The following FLT1 variants were observed in gnomAD, a reference collection of about 807,000 sequenced individuals.
FLT1 encodes the protein fms related receptor tyrosine kinase 1.
A neutral mutation model predicts 156.3 loss-of-function variants in FLT1; 49 were observed. The ratio of observed to expected loss-of-function variants is 0.31; its 90% CI spans 0.25 to 0.40. FLT1 has a LOEUF of 0.40. Among genes scored for constraint, FLT1 ranks in the 10% least tolerant of loss-of-function variants. The pLI, the probability that FLT1 is intolerant of heterozygous loss-of-function variation, is 1.00. For missense variants in FLT1, 1,322 were observed against 1,637.2 expected (o/e 0.81, Z 3.32); for synonymous variants, 594 against 583.8 (o/e 1.02, Z -0.25).
intron 29 of FLT1, among the ~76,000 whole-genome samples, chr13:28,305,878 T>G (rs1469960267): frequency 6.6e-6 from 1 of 152,176 alleles, no homozygotes; most frequent in African/African-American, 2.4e-5. Flanking sequence ...GTCAAAAGAT[T>G]GGACACCCCT....
chr13:28,308,256 G>GT (rs1870835910), intron 28 of FLT1: 1 of 169,208 alleles, frequency 5.9e-6, no homozygotes, highest in Middle Eastern at 3.2e-3. Context: ...CAGAACTGCA[G>GT]TATCGCTCCT....
chr13:28,473,981 A>G (rs1467672365), intron 1 of FLT1, among the ~76,000 whole-genome samples: 2 of 152,186 alleles, frequency 1.3e-5, no homozygotes, highest in African/African-American at 4.8e-5. Flanking sequence ...TGATCTTGAA[A>G]ACATTATGCT....
At chr13:28,481,193 C>CA (rs1303928918) in intron 1 of FLT1, among the ~76,000 whole-genome samples, 1 of 152,162 alleles carries the variant, frequency 6.6e-6, no homozygotes, top group African/African-American at 2.4e-5. Context: ...AACAGTCTCC[C>CA]AGCAGGAAGG....
chr13:28,473,382 C>T (rs192658602), intron 1 of FLT1, among the ~76,000 whole-genome samples: 47 of 151,884 alleles, frequency 3.1e-4, no homozygotes, highest in African/African-American at 1.1e-3. Context: ...CAGTGGCTCA[C>T]GCCTGTAACC....
At chr13:28,311,460 T>C (rs1870996164) in intron 27 of FLT1, 130 bp downstream of exon 27, 2 of 838,140 alleles carry the variant, frequency 2.4e-6, no homozygotes, top group Non-Finnish European at 3.7e-6. Flanking sequence ...TAATCTTTCT[T>C]TCTTTCTTTC....
At position 28,430,087 on chromosome 13, in the gene FLT1, T is replaced by C. The variant is rs1877588729; in HGVS notation, c.1069A>G (p.Met357Val). ...VAGKRSYRLS[M>V]KVKAFPSPEV... The stretch of plus-strand genomic sequence containing the variant: ...GGCGAGGGAAATGCCTTCACTTTCA[T>C]AGAGAGCCGGTAAGACCGCTTGCCA... Residue 357 changes from methionine to valine, a missense_variant, in exon 8 of 30, where the codon ATG becomes GTG. Coordinates refer to ENST00000282397, the MANE Select transcript of FLT1 (RefSeq NM_002019.4). 1.2e-6 allele frequency: 2 copies of C among 1,613,816 alleles called. No homozygotes were observed. Among genetic ancestry groups the C allele is most frequent in the African/African-American group, 1.3e-5 (1 of 75,034 alleles).
chr13:28,376,220 C>T (rs2137436084), intron 14 of FLT1, among the ~76,000 whole-genome samples: 1 of 152,302 alleles, frequency 6.6e-6, no homozygotes, highest in Non-Finnish European at 1.5e-5. Flanking sequence ...TGTCCTCTAA[C>T]AGTTAGATAA....
chr13:28,361,433 C>T (rs1038686031), intron 14 of FLT1, among the ~76,000 whole-genome samples: 12 of 152,124 alleles, frequency 7.9e-5, no homozygotes, highest in Middle Eastern at 3.4e-3. Flanking sequence ...GCTCCTACTA[C>T]GTACTAGACA....
Position 28,300,521 on chromosome 13 carries a change from C to CA in FLT1, c.*2645_*2646insT, listed in dbSNP as rs1870463167. 129 of 225,616 alleles carry CA rather than the reference C, an allele frequency of 5.7e-4. 2 individuals are homozygous for CA. Among genetic ancestry groups the CA allele is most frequent in the African/African-American group, 2.7e-3 (117 of 42,866 alleles). 14.0% of individuals were successfully genotyped at this position (225,616 alleles called of 1,614,324 possible). A position where few individuals can be genotyped will look rare whatever the true frequency, so the allele number is the denominator to read the frequency against. On this transcript the variant is annotated 3_prime_UTR_variant, in exon 30 of 30. Transcript: ENST00000282397. Reference sequence around the variant, plus strand: ...AGTTATGCACAAAACACACATACACCCACACACACACACACACACACACAC... The same window carrying CA: ...AGTTATGCACAAAACACACATACACCACACACACACACACACACACACACAC...
At position 28,347,683 on chromosome 13, in the gene FLT1, G is replaced by C. The variant is rs576455641; in HGVS notation, c.2249-2132C>G. 8.5e-5 allele frequency among the ~76,000 whole-genome samples: 13 copies of C among 152,338 alleles called. No homozygotes were observed. The East Asian group carries it at 2.3e-3, about 27-fold the overall frequency. The stretch of plus-strand genomic sequence containing the variant: ...GCCAAGGTTTCCTGCCCAAATCATA[G>C]CAAATGCACAAGCTGGAAACCTGAG... On this transcript the variant is annotated intron_variant, in intron 15 of 29. Coordinates refer to ENST00000282397, the MANE Select transcript of FLT1 (RefSeq NM_002019.4).
intron 10 of FLT1, among the ~76,000 whole-genome samples, chr13:28,424,142 T>C (rs1343894145): frequency 1.3e-5 from 2 of 152,026 alleles, no homozygotes; most frequent in Non-Finnish European, 2.9e-5. Flanking sequence ...TTTCATTATG[T>C]TGCCCAGGCT....
chr13:28,356,657 A>G lies in FLT1; in HGVS notation c.2248+897T>C, dbSNP rs115452940. Among the ~76,000 whole-genome samples, 551 of 152,172 alleles carry G rather than the reference A, an allele frequency of 3.6e-3. 1 individual carries two copies. Among genetic ancestry groups the G allele is most frequent in the African/African-American group, 0.012 (513 of 41,534 alleles). ...TTTAAGCAATGTAAGTTTCAGGGGG[A>G]AAAAAACTGAAGTACGTTGCCTTCT... On this transcript the variant is annotated intron_variant, in intron 15 of 29. Coordinates refer to ENST00000282397, the MANE Select transcript of FLT1 (RefSeq NM_002019.4).
chr13:28,402,107 A>T (rs1875476074), intron 11 of FLT1, among the ~76,000 whole-genome samples: 1 of 152,242 alleles, frequency 6.6e-6, no homozygotes, highest in Admixed American at 6.5e-5. Flanking sequence ...AAGGAAACTA[A>T]ATTTTATTGT....
intron 12 of FLT1, among the ~76,000 whole-genome samples, chr13:28,393,592 T>C (rs78040855): frequency 6.6e-6 from 1 of 152,098 alleles, no homozygotes; most frequent in Admixed American, 6.5e-5. Flanking sequence ...GTTTTTGTTG[T>C]TGTTGTTGTT....
chr13:28,414,720 T>TGGG (rs1193902062), intron 10 of FLT1, among the ~76,000 whole-genome samples: 1 of 152,174 alleles, frequency 6.6e-6, no homozygotes, highest in Non-Finnish European at 1.5e-5. Flanking sequence ...TGAGCAACAC[T>TGGG]TGTCTTTTGC....
chr13:28,481,500 GT>G (rs1307366735), intron 1 of FLT1, among the ~76,000 whole-genome samples: 3 of 150,818 alleles, frequency 2.0e-5, no homozygotes, highest in African/African-American at 4.9e-5. Flanking sequence ...TACTTAGAAG[GT>G]GAACCAATGA....
intron 1 of FLT1, among the ~76,000 whole-genome samples, chr13:28,494,275 G>T (rs1413287003): frequency 1.3e-5 from 2 of 152,244 alleles, no homozygotes; most frequent in African/African-American, 2.4e-5. Flanking sequence ...CGTGACGCGA[G>T]GTCGCGGCCA....
chr13:28,409,326 G>A (rs190373238), intron 10 of FLT1, among the ~76,000 whole-genome samples: 38 of 151,952 alleles, frequency 2.5e-4, no homozygotes, highest in Non-Finnish European at 4.9e-4. Context: ...AGCCAACAGA[G>A]GTCAAACCTA....
intron 1 of FLT1, among the ~76,000 whole-genome samples, chr13:28,476,397 T>C (rs886385193): frequency 6.6e-6 from 1 of 152,232 alleles, no homozygotes; most frequent in Non-Finnish European, 1.5e-5. Flanking sequence ...TTGTGACTTT[T>C]ACATGGGCAA....
Sources: gnomAD v4.1 joint callset for allele counts (sites outside exome capture counted in the v4.1 genomes callset) on GRCh38, gnomAD v4.1.1 for gene constraint, MANE v1.5 for transcripts, NCBI Gene and HGNC (gene_info 2026-07-23, HGNC 2026-07-21) for gene names.